KMT5B: variants seen among roughly 807,000 people sequenced by gnomAD.
KMT5B encodes the protein histone-lysine N-methyltransferase KMT5B.
Under a neutral mutation model 83.2 loss-of-function variants are expected in KMT5B, and 10 were observed. The ratio of observed to expected loss-of-function variants is 0.12; its 90% CI spans 0.07 to 0.20. The LOEUF (loss-of-function observed/expected upper bound fraction) is 0.20, where lower values mean the gene tolerates loss of function less well. KMT5B is among the 10% of genes least tolerant of loss of function. The pLI is 1.00. For missense variants in KMT5B, 753 were observed against 1,067.2 expected, an observed-to-expected ratio of 0.71 and a Z score of 4.10; for synonymous variants, 349 against 388.8, an observed-to-expected ratio of 0.90 and a Z score of 1.20.
chr11:68,170,651 G>A (rs1048240149), intron 9 of KMT5B, among the ~76,000 whole-genome samples: 1 of 152,140 alleles, frequency 6.6e-6, no homozygotes, highest in African/African-American at 2.4e-5. Context: ...TATGCAAGAC[G>A]ACTATCAGTG....
At chr11:68,177,586 CATT>C (rs1283723674) in intron 4 of KMT5B, among the ~76,000 whole-genome samples, 1 of 152,034 alleles carries the variant, frequency 6.6e-6, no homozygotes, top group East Asian at 1.9e-4. Context: ...ACACTCTAGT[CATT>C]TTTTTTTTAA....
intron 9 of KMT5B, among the ~76,000 whole-genome samples, chr11:68,168,412 T>G (rs1478382768): frequency 6.6e-6 from 1 of 151,922 alleles, no homozygotes; most frequent in East Asian, 1.9e-4. Flanking sequence ...CTTGGCTCAC[T>G]GCAACCCCTG....
At chr11:68,212,133 C>A (rs924134640) in intron 1 of KMT5B, among the ~76,000 whole-genome samples, 1 of 151,696 alleles carries the variant, frequency 6.6e-6, no homozygotes, top group African/African-American at 2.4e-5. Context: ...ATATTAAAGA[C>A]TAAAGGAAAA....
Position 68,157,829 on chromosome 11 carries a change from ATCC to A in KMT5B, c.2514_2516del (p.Glu838del), listed in dbSNP as rs761209606. 3.1e-6 allele frequency: 5 copies of A among 1,614,016 alleles called. No individual in the cohort carries two copies. The African/African-American group carries it at 4.0e-5, about 13-fold the overall frequency. On this transcript the variant is annotated inframe_deletion, in exon 11 of 11. Coordinates refer to ENST00000304363, the MANE Select transcript of KMT5B (RefSeq NM_017635.5). ...CGTCTTCAAAGTCATCATCATAGTC[ATCC>A]TCCTCTTCATCGCCCTCAGAAGAGG... is the stretch of plus-strand genomic sequence containing the variant.
intron 1 of KMT5B, among the ~76,000 whole-genome samples, chr11:68,207,173 C>A (rs891267459): frequency 2.0e-5 from 3 of 150,536 alleles, no homozygotes; most frequent in Non-Finnish European, 4.4e-5. Flanking sequence ...AAGATTGCGC[C>A]ACTGCACTCC....
intron 10 of KMT5B, chr11:68,165,915 C>T (rs372979436): frequency 4.3e-6 from 7 of 1,612,944 alleles, no homozygotes; most frequent in South Asian, 1.1e-5. Flanking sequence ...CATTCACCAT[C>T]ATGGGAAACA....
At position 68,163,385 on chromosome 11, in the gene KMT5B, C is replaced by A. The variant is rs147321028; in HGVS notation, c.1174+3597G>T. ...ATGGGACTTGTTAGGCCTTCCTGAG[C>A]ATTAAAATCACGCTTATGCTGCCTA... On this transcript the variant is annotated intron_variant, in intron 10 of 10. Transcript: ENST00000304363. Among the ~76,000 whole-genome samples the A allele has an allele frequency of 6.2e-3, 942 of 152,304 alleles. 7 individuals are homozygous for A. The highest frequency in any genetic ancestry group is 0.022 in the African/African-American group (913 of 41,558).
Position 68,165,656 on chromosome 11 carries a change from A to G in KMT5B, c.1174+1326T>C, listed in dbSNP as rs569344680. ...GGCTTTTAAGTGTTTTTATGTCTGC[A>G]TTTATAAAATGGGCTTCACAAGTCT... On this transcript the variant is annotated intron_variant, in intron 10 of 10. Coordinates refer to ENST00000304363, the MANE Select transcript of KMT5B (RefSeq NM_017635.5). 2.7e-4 allele frequency: 320 copies of G among 1,164,186 alleles called. 1 individual carries two copies. The highest frequency in any genetic ancestry group is 3.2e-4 in the Non-Finnish European group (284 of 894,116). 72.1% of individuals were successfully genotyped at this position (1,164,186 alleles called of 1,614,324 possible).
At chr11:68,186,602 T>C (rs1056609178) in intron 2 of KMT5B, among the ~76,000 whole-genome samples, 1 of 152,120 alleles carries the variant, frequency 6.6e-6, no homozygotes, top group African/African-American at 2.4e-5. Flanking sequence ...AATATATAAC[T>C]GAAATAACTG....
chr11:68,195,275 C>T (rs1037229017), intron 1 of KMT5B, among the ~76,000 whole-genome samples: 1 of 152,182 alleles, frequency 6.6e-6, no homozygotes, highest in African/African-American at 2.4e-5. Flanking sequence ...CTCTCCTATC[C>T]CACCTCTGTC....
chr11:68,197,448 CA>C lies in KMT5B; in HGVS notation c.-76-7297del, dbSNP rs762608410. 4.4e-4 allele frequency among the ~76,000 whole-genome samples: 67 copies of C among 152,026 alleles called. 2 individuals are homozygous for C. The highest frequency in any genetic ancestry group is 3.5e-3 in the Admixed American group (53 of 15,252). The stretch of plus-strand genomic sequence containing the variant: ...ATCATGTTAGGGCAAAGAATAGATA[CA>C]AAATTTTAAGAAAAATTATGGAATA... On this transcript the variant is annotated intron_variant, in intron 1 of 10. Transcript: ENST00000304363.
chr11:68,178,939 C>G lies in KMT5B; in HGVS notation c.377+1193G>C, dbSNP rs115826159. Among the ~76,000 whole-genome samples the G allele has an allele frequency of 1.9e-3, 283 of 152,228 alleles. 1 individual carries two copies. Among genetic ancestry groups the G allele is most frequent in the African/African-American group, 6.0e-3 (249 of 41,544 alleles). ...TAAAGGCCAGATAATTTAGAACAGC[C>G]CTTTTGTTCCACAAATGAGGAAAAT... On this transcript the variant is annotated intron_variant, in intron 4 of 10. Coordinates refer to ENST00000304363, the MANE Select transcript of KMT5B (RefSeq NM_017635.5).
rs1441970033 is a variant in KMT5B at position 68,161,094 on chromosome 11, G to A, written c.1175-1923C>T. Among the ~76,000 whole-genome samples the A allele has an allele frequency of 4.6e-5, 7 of 152,134 alleles. No individual in the cohort carries two copies. The South Asian group carries it at 6.2e-4, about 13-fold the overall frequency. On this transcript the variant is annotated intron_variant, in intron 10 of 10. Coordinates refer to ENST00000304363, the MANE Select transcript of KMT5B (RefSeq NM_017635.5). ...ACATGTGGGCTGCTACCAAGGTGGC[G>A]CCTCTTTTTAGAATAGTAGGAGTAG...
chr11:68,161,603 C>T (rs1244837577), intron 10 of KMT5B, among the ~76,000 whole-genome samples: 1 of 152,196 alleles, frequency 6.6e-6, no homozygotes, highest in Non-Finnish European at 1.5e-5. Context: ...AACTTCTTGT[C>T]GTCAAACCCA....
chr11:68,198,457 CAAGACAA>C (rs1858998837), intron 1 of KMT5B, among the ~76,000 whole-genome samples: 1 of 87,784 alleles, frequency 1.1e-5, no homozygotes, highest in African/African-American at 7.6e-5. Context: ...CAAGACAAGA[CAAGACAA>C]GACAAGACAA....
At chr11:68,200,441 T>G (rs1225443025) in intron 1 of KMT5B, among the ~76,000 whole-genome samples, 7 of 152,328 alleles carry the variant, frequency 4.6e-5, no homozygotes, top group Admixed American at 3.3e-4. Flanking sequence ...TCTGTGAGCC[T>G]TGCTCAGAAA....
intron 9 of KMT5B, among the ~76,000 whole-genome samples, chr11:68,167,507 T>C (rs1855426374): frequency 6.6e-6 from 1 of 151,424 alleles, no homozygotes; most frequent in Non-Finnish European, 1.5e-5. Context: ...CAGGCTGGAA[T>C]GCAGTGGCAC....
At chr11:68,168,838 G>A (rs1855570343) in intron 9 of KMT5B, among the ~76,000 whole-genome samples, 1 of 152,152 alleles carries the variant, frequency 6.6e-6, no homozygotes, top group Admixed American at 6.5e-5. Flanking sequence ...TCTCAGCACA[G>A]TGTGTGTGTC....
intron 4 of KMT5B, among the ~76,000 whole-genome samples, chr11:68,175,515 A>C (rs1269072321): frequency 6.6e-6 from 1 of 152,208 alleles, no homozygotes; most frequent in Non-Finnish European, 1.5e-5. Flanking sequence ...AGACGATTCA[A>C]ACAAAAGCTG....
Sources: allele counts gnomAD v4.1 joint callset (sites outside exome capture counted in the v4.1 genomes callset), GRCh38; gene constraint gnomAD v4.1.1; transcripts MANE v1.5; gene names NCBI Gene and HGNC (gene_info 2026-07-23, HGNC 2026-07-21).